The following SOCS5 variants were observed in gnomAD, a reference collection of about 807,000 sequenced individuals.
The protein encoded by SOCS5 is suppressor of cytokine signaling 5, also known as CIS-6.
Under a neutral mutation model 42.8 loss-of-function variants are expected in SOCS5, and 32 were observed. The ratio of observed to expected loss-of-function variants is 0.75; its 90% CI spans 0.56 to 1.01. The LOEUF is 1.01. Ranked by LOEUF, SOCS5 falls within the 50% of genes least tolerant of loss-of-function variation. The probability of loss-of-function intolerance (pLI) is 0.00; values close to 1 mark genes in which losing one functional copy is unlikely to be tolerated. For synonymous variants in SOCS5, 283 were observed against 229.6 expected (o/e 1.23, Z -2.10); for missense variants, 627 against 653.0 (o/e 0.96, Z 0.43).
intron 1 of SOCS5, among the ~76,000 whole-genome samples, chr2:46,749,721 T>G (rs1234491801): frequency 6.6e-6 from 1 of 152,136 alleles, no homozygotes; most frequent in East Asian, 1.9e-4. Context: ...CTGTACAGAT[T>G]AGCTATCCTT....
intron 1 of SOCS5, among the ~76,000 whole-genome samples, chr2:46,742,865 C>A (rs2103743521): frequency 6.6e-6 from 1 of 152,168 alleles, no homozygotes; most frequent in African/African-American, 2.4e-5. Flanking sequence ...GGGGTTTCAC[C>A]ATGATGGCCA....
At chr2:46,742,925 A>G (rs1376073169) in intron 1 of SOCS5, among the ~76,000 whole-genome samples, 1 of 152,066 alleles carries the variant, frequency 6.6e-6, no homozygotes, top group Non-Finnish European at 1.5e-5. Context: ...TGGCCTCCCA[A>G]AGTGCTGGGA....
chr2:46,754,262 A>C (rs1181283656), intron 1 of SOCS5, among the ~76,000 whole-genome samples: 1 of 152,190 alleles, frequency 6.6e-6, no homozygotes, highest in Non-Finnish European at 1.5e-5. Context: ...GGGTTTTTTA[A>C]GTAGAACAAG....
intron 1 of SOCS5, among the ~76,000 whole-genome samples, chr2:46,718,128 A>G (rs1015877797): frequency 5.3e-5 from 8 of 151,660 alleles, no homozygotes; most frequent in Admixed American, 4.6e-4. Flanking sequence ...TTTCCCCTGT[A>G]TGGGGTATAA....
At chr2:46,712,572 G>T (rs1033688801) in intron 1 of SOCS5, among the ~76,000 whole-genome samples, 4 of 152,130 alleles carry the variant, frequency 2.6e-5, no homozygotes, top group Non-Finnish European at 4.4e-5. Flanking sequence ...TCGAATTCCT[G>T]ACCTCGTGAT....
intron 1 of SOCS5, among the ~76,000 whole-genome samples, chr2:46,722,084 G>A (rs1572835019): frequency 2.0e-5 from 3 of 151,716 alleles, no homozygotes; most frequent in Non-Finnish European, 2.9e-5. Flanking sequence ...TACTCTGTTT[G>A]CTTTGTCTTA....
At chr2:46,717,838 T>G (rs1299469049) in intron 1 of SOCS5, among the ~76,000 whole-genome samples, 1 of 152,132 alleles carries the variant, frequency 6.6e-6, no homozygotes, top group Non-Finnish European at 1.5e-5. Flanking sequence ...GACCTGTGCT[T>G]ACAAGCTTAG....
chr2:46,728,850 C>T (rs1673050803), intron 1 of SOCS5, among the ~76,000 whole-genome samples: 1 of 152,196 alleles, frequency 6.6e-6, no homozygotes, highest in Admixed American at 6.5e-5. Context: ...AGCCACCACG[C>T]TGGCCAGCGA....
At position 46,751,150 on chromosome 2, in the gene SOCS5, G is replaced by A. The variant is rs79304063; in HGVS notation, c.-12-7369G>A. 6.2e-3 allele frequency among the ~76,000 whole-genome samples: 943 copies of A among 152,086 alleles called. 16 individuals carry two copies. Among genetic ancestry groups the A allele is most frequent in the African/African-American group, 0.021 (853 of 41,462 alleles). On this transcript the variant is annotated intron_variant, in intron 1 of 1. Coordinates refer to ENST00000394861, the MANE Select transcript of SOCS5 (RefSeq NM_144949.3). ...TATAAAATTAAGATAATTATTACTC[G>A]TAGGGTTGTTGGGAGAAGTAAAATG...
intron 1 of SOCS5, among the ~76,000 whole-genome samples, chr2:46,753,460 TTTA>T (rs1489171902): frequency 3.3e-5 from 5 of 152,214 alleles, no homozygotes; most frequent in African/African-American, 9.6e-5. Context: ...CCTTAAGTAG[TTTA>T]TTCTAATTTT....
At chr2:46,701,462 A>G (rs1672342165) in intron 1 of SOCS5, among the ~76,000 whole-genome samples, 1 of 152,168 alleles carries the variant, frequency 6.6e-6, no homozygotes, top group African/African-American at 2.4e-5. Context: ...GAAGGGATTA[A>G]ATTGCTATTT....
intron 1 of SOCS5, among the ~76,000 whole-genome samples, chr2:46,737,490 T>A (rs1187507900): frequency 6.6e-6 from 1 of 152,216 alleles, no homozygotes; most frequent in African/African-American, 2.4e-5. Context: ...CTGATTATTA[T>A]TAGTTTGGTG....
chr2:46,710,509 G>T (rs539114924), intron 1 of SOCS5, among the ~76,000 whole-genome samples: 2 of 152,060 alleles, frequency 1.3e-5, no homozygotes, highest in African/African-American at 2.4e-5. Flanking sequence ...GATATTAAGT[G>T]TATGTACAGT....
Position 46,759,649 on chromosome 2 carries a change from G to T in SOCS5, c.1119G>T (p.Leu373Phe). The change falls in exon 2 of 2, where the codon TTG becomes TTT. Residue 373 changes from leucine to phenylalanine, a missense_variant. Leu to Phe is a conservative substitution (Grantham distance 22). This residue lies in a region of SOCS5 where 340 missense variants were observed against 367.6 expected (regional missense o/e 0.92). Transcript: ENST00000394861. ...ACATACACTGCCTCGTGCCTGATTTGCTTCAAATTACAGGGAATCCCTGTT... is the reference window on the plus strand; with the variant it reads ...ACATACACTGCCTCGTGCCTGATTTTCTTCAAATTACAGGGAATCCCTGTT... ...IDYIHCLVPD[L>F]LQITGNPCYW... 1 of 1,614,094 alleles carries T rather than the reference G, an allele frequency of 6.2e-7. No homozygotes were observed. Among genetic ancestry groups the T allele is most frequent in the African/African-American group, 1.3e-5 (1 of 75,038 alleles).
At chr2:46,719,683 C>G (rs547179493) in intron 1 of SOCS5, among the ~76,000 whole-genome samples, 8 of 152,228 alleles carry the variant, frequency 5.3e-5, no homozygotes, top group Admixed American at 3.9e-4. Context: ...TGACTCAGCT[C>G]CACATATTTT....
chr2:46,741,694 A>G (rs1673380961), intron 1 of SOCS5, among the ~76,000 whole-genome samples: 1 of 152,196 alleles, frequency 6.6e-6, no homozygotes, highest in Non-Finnish European at 1.5e-5. Flanking sequence ...TATCATGAAC[A>G]TTACCAGAAT....
intron 1 of SOCS5, among the ~76,000 whole-genome samples, 200 bp from the exon 2 acceptor site, chr2:46,758,319 G>A (rs765729859): frequency 8.5e-5 from 13 of 152,166 alleles, no homozygotes; most frequent in Admixed American, 2.0e-4. Flanking sequence ...GCTTGAACAA[G>A]GTCAGTGCCT....
chr2:46,722,164 G>T, intron 1 of SOCS5, among the ~76,000 whole-genome samples: 1 of 152,004 alleles, frequency 6.6e-6, no homozygotes. Context: ...TAGCCTCTAT[G>T]GGTGGTTGAA....
At chr2:46,753,088 C>T (rs901742699) in intron 1 of SOCS5, among the ~76,000 whole-genome samples, 2 of 152,216 alleles carry the variant, frequency 1.3e-5, no homozygotes, top group Admixed American at 6.5e-5. Flanking sequence ...TTCATCTTGA[C>T]ACACTTCCCT....
Sources: gnomAD v4.1 joint callset for allele counts (sites outside exome capture counted in the v4.1 genomes callset) on GRCh38, gnomAD v4.1.1 for gene constraint, gnomAD v4.1.1 regional missense constraint, MANE v1.5 for transcripts, NCBI Gene and HGNC (gene_info 2026-07-23, HGNC 2026-07-21) for gene names.